The following ZNF718 variants were observed in gnomAD, a reference collection of about 807,000 sequenced individuals.
ZNF718 encodes zinc finger protein 718.
A neutral mutation model predicts 2.6 loss-of-function variants in ZNF718; 3 were observed. The observed-to-expected ratio is 1.16, with a 90% CI of 0.53 to 3.01. The LOEUF (loss-of-function observed/expected upper bound fraction) is 3.01, where lower values mean the gene tolerates loss of function less well. Among genes scored for constraint, ZNF718 ranks in the 30% most tolerant of loss-of-function variants. The pLI, the probability that ZNF718 is intolerant of heterozygous loss-of-function variation, is 0.03. For synonymous variants in ZNF718, 135 were observed against 77.9 expected (o/e 1.73, Z -3.86); for missense variants, 468 against 230.0 (o/e 2.03, Z -6.69).
chr4:135,249 A>AG (rs1315065531), intron 3 of ZNF718, among the ~76,000 whole-genome samples: 1 of 151,496 alleles, frequency 6.6e-6, no homozygotes, highest in Non-Finnish European at 1.5e-5. Context: ...TAAAAAAAAA[A>AG]AAAAAAAAGT....
At chr4:136,322 A>G in intron 3 of ZNF718, 1 of 517,362 alleles carries the variant, frequency 1.9e-6, no homozygotes, top group South Asian at 1.4e-5. Flanking sequence ...GAGTCACAGG[A>G]CTGCTTCAGG....
rs528748584 is a variant in ZNF718 at position 178,741 on chromosome 4, A to T, written c.227-22340A>T. ...TTGGTTCATTTTATTAAAAATCAAG[A>T]TATTCACTATTGGTTGTTGTGTTTT... is the stretch of plus-strand genomic sequence containing the variant. On this transcript the variant is annotated intron_variant and NMD_transcript_variant, in intron 3 of 4. Coordinates refer to the ZNF718 transcript ENST00000642529. 3.9e-5 allele frequency among the ~76,000 whole-genome samples: 6 copies of T among 152,296 alleles called. No individual in the cohort carries two copies. In the South Asian group the frequency reaches 1.2e-3, roughly 32 times the overall value.
At chr4:183,679 A>C (rs1309027034) in intron 3 of ZNF718, among the ~76,000 whole-genome samples, 4 of 152,014 alleles carry the variant, frequency 2.6e-5, no homozygotes, top group African/African-American at 9.7e-5. Context: ...CCTCTGATTT[A>C]TTTGAACCAT....
At chr4:142,834 A>T (rs1430974306) in intron 3 of ZNF718, among the ~76,000 whole-genome samples, 2 of 152,242 alleles carry the variant, frequency 1.3e-5, no homozygotes, top group African/African-American at 2.4e-5. Context: ...TAAACTCTTT[A>T]TCTGGCTCAT....
chr4:195,887 G>A (rs1246555470), intron 3 of ZNF718, among the ~76,000 whole-genome samples: 1 of 152,048 alleles, frequency 6.6e-6, no homozygotes, highest in Non-Finnish European at 1.5e-5. Context: ...AATTTACCCT[G>A]GCTTTTAAAG....
At chr4:157,103 CTTTTTTTTTTTTT>C (rs199814257) in intron 3 of ZNF718, among the ~76,000 whole-genome samples, 15 of 103,160 alleles carry the variant, frequency 1.5e-4, no homozygotes, top group African/African-American at 4.0e-4. Context: ...TTCTTTCTTT[CTTTTTTTTTTTTT>C]TTTTTTTTTT....
At chr4:131,268 C>G in intron 2 of ZNF718, 142 bp from the exon 3 acceptor site, 1 of 223,258 alleles carries the variant, frequency 4.5e-6, no homozygotes, top group Non-Finnish European at 7.9e-6. Flanking sequence ...CTTAAATATT[C>G]TACAGATTCT....
At chr4:146,564 T>G (rs1236104179) in intron 3 of ZNF718, among the ~76,000 whole-genome samples, 1 of 152,160 alleles carries the variant, frequency 6.6e-6, no homozygotes, top group East Asian at 1.9e-4. Context: ...CTCATAAAAC[T>G]GAATGTCTGT....
intron 3 of ZNF718, among the ~76,000 whole-genome samples, chr4:193,462 CT>C (rs1453760853): frequency 6.6e-6 from 1 of 152,054 alleles, no homozygotes; most frequent in African/African-American, 2.4e-5. Context: ...CTTTTTCCTT[CT>C]CCTAATTCTA....
chr4:142,392 A>G lies in ZNF718; in HGVS notation c.226+10887A>G, dbSNP rs76015675. On this transcript the variant is annotated intron_variant, in intron 3 of 3. Transcript: ENST00000510175. ...TATGGATAAGCTTATACTTAGATAA[A>G]TAAAAGATGAAAGCCCAGTCAGTGT... is the stretch of plus-strand genomic sequence containing the variant. Among the ~76,000 whole-genome samples the G allele has an allele frequency of 6.1e-3, 937 of 152,362 alleles. 11 individuals are homozygous for G. Among genetic ancestry groups the G allele is most frequent in the African/African-American group, 0.021 (883 of 41,572 alleles).
Position 176,712 on chromosome 4 carries a change from A to G in ZNF718, c.227-24369A>G, listed in dbSNP as rs1329578457. Reference sequence around the variant, plus strand: ...CAACCAAGCCAGTATGAATTATGCAATAGGTTTCAAGTCTTTTATTCCTTT... The same window carrying G: ...CAACCAAGCCAGTATGAATTATGCAGTAGGTTTCAAGTCTTTTATTCCTTT... On this transcript the variant is annotated intron_variant and NMD_transcript_variant, in intron 3 of 4. Transcript: ENST00000642529. Among the ~76,000 whole-genome samples, 11 of 152,304 alleles carry G rather than the reference A, an allele frequency of 7.2e-5. No individual in the cohort carries two copies. In the East Asian group the frequency reaches 1.5e-3, roughly 21 times the overall value.
chr4:199,697 G>A (rs1319766303), intron 3 of ZNF718, among the ~76,000 whole-genome samples: 1 of 152,202 alleles, frequency 6.6e-6, no homozygotes, highest in Admixed American at 6.5e-5. Context: ...TTAAATGGCT[G>A]ATGCAGGATA....
intron 3 of ZNF718, among the ~76,000 whole-genome samples, chr4:180,458 A>G (rs1340994743): frequency 1.3e-5 from 2 of 152,218 alleles, no homozygotes; most frequent in Non-Finnish European, 2.9e-5. Flanking sequence ...TCTCAGTATA[A>G]GAAAAACTCT....
intron 3 of ZNF718, among the ~76,000 whole-genome samples, chr4:137,437 A>C (rs545454500): frequency 2.0e-5 from 3 of 151,970 alleles, no homozygotes; most frequent in Admixed American, 6.6e-5. Flanking sequence ...ACCCCTATAC[A>C]TTTTTTAGGG....
At chr4:144,603 G>GA (rs1715965766) in intron 3 of ZNF718, among the ~76,000 whole-genome samples, 1 of 152,252 alleles carries the variant, frequency 6.6e-6, no homozygotes, top group East Asian at 1.9e-4. Flanking sequence ...TGGGTAGTAT[G>GA]AAAATTTTAA....
chr4:127,072 C>T (rs1194146176), intron 1 of ZNF718, among the ~76,000 whole-genome samples: 1 of 152,080 alleles, frequency 6.6e-6, no homozygotes. Context: ...GATCCACCGG[C>T]CTTGGCCTCC....
downstream of ZNF718, among the ~76,000 whole-genome samples, chr4:164,318 A>G (rs1385080175): frequency 1.3e-5 from 2 of 152,036 alleles, no homozygotes; most frequent in Non-Finnish European, 2.9e-5. Context: ...ATTTGTACCT[A>G]TTTTCCAAAG....
intron 3 of ZNF718, among the ~76,000 whole-genome samples, chr4:196,298 C>G (rs1171604369): frequency 1.3e-5 from 2 of 152,168 alleles, no homozygotes; most frequent in South Asian, 2.1e-4. Flanking sequence ...TGGTGGGGAA[C>G]AGGTCCCACA....
In ZNF718 at chr4:161,458, A is replaced by T. The variant is rs1553815118; in HGVS notation, c.773A>T (p.Glu258Val). ...IHTGEKPYIC[E>V]KCGKAFNQSS... is the part of the protein sequence containing the mutation. Reference sequence around the variant, plus strand: ...ACTGGAGAGAAACCCTACATATGTGAAAAATGTGGTAAAGCTTTTAACCAA... The same window carrying T: ...ACTGGAGAGAAACCCTACATATGTGTAAAATGTGGTAAAGCTTTTAACCAA... Residue 258 changes from glutamate to valine, a missense_variant, in exon 4 of 4, where the codon GAA becomes GTA. Physicochemically the swap from Glu to Val is moderately radical, Grantham distance 121. Transcript: ENST00000510175. 1.3e-6 allele frequency: 1 copy of T among 778,648 alleles called. No homozygotes were observed. The highest frequency in any genetic ancestry group is 2.3e-4 in the Middle Eastern group (1 of 4,434). 48.2% of individuals were successfully genotyped at this position (778,648 alleles called of 1,614,324 possible).
Sources: allele counts gnomAD v4.1 joint callset (sites outside exome capture counted in the v4.1 genomes callset), GRCh38; gene constraint gnomAD v4.1.1; transcripts MANE v1.5; gene names NCBI Gene and HGNC (gene_info 2026-07-23, HGNC 2026-07-21).